The following RSU1 variants were observed in gnomAD, a reference collection of about 807,000 sequenced individuals.
RSU1 encodes the protein rsu-1.
In RSU1, 26 loss-of-function variants were observed where a neutral mutation model predicts 31.1. The ratio of observed to expected loss-of-function variants is 0.84; its 90% CI spans 0.61 to 1.16. The LOEUF (loss-of-function observed/expected upper bound fraction) is 1.16. Ranked by LOEUF, RSU1 falls within the 50% of genes most tolerant of loss-of-function variation. The pLI, the probability that RSU1 is intolerant of heterozygous loss-of-function variation, is 0.00. For missense variants in RSU1, 320 were observed against 339.1 expected (o/e 0.94, Z 0.44); for synonymous variants, 164 against 136.3 (o/e 1.20, Z -1.41).
intron 2 of RSU1, among the ~76,000 whole-genome samples, chr10:16,803,654 T>C (rs61844018): frequency 0.055 from 8,355 of 152,142 alleles, 274 homozygotes; most frequent in East Asian, 0.15. Context: ...TGGAATAAAA[T>C]AGAAAGCCCA....
chr10:16,628,489 C>T (rs899006901), intron 8 of RSU1, among the ~76,000 whole-genome samples: 1 of 144,478 alleles, frequency 6.9e-6, no homozygotes, highest in Non-Finnish European at 1.5e-5. Flanking sequence ...ATTTAACTTT[C>T]TGTGAAAGTG....
At chr10:16,675,239 C>CTGTT (rs756500430) in intron 8 of RSU1, among the ~76,000 whole-genome samples, 162 of 150,374 alleles carry the variant, frequency 1.1e-3, no homozygotes, top group Non-Finnish European at 1.7e-3. Flanking sequence ...AAGTGTAAAG[C>CTGTT]TGTTAGTGTT....
chr10:16,775,174 G>T (rs193153102), intron 3 of RSU1, among the ~76,000 whole-genome samples: 1 of 152,296 alleles, frequency 6.6e-6, no homozygotes, highest in East Asian at 1.9e-4. Flanking sequence ...AGTGATATAG[G>T]AGAGAGGGCA....
intron 8 of RSU1, among the ~76,000 whole-genome samples, chr10:16,661,349 A>G (rs1834887610): frequency 6.7e-6 from 1 of 149,828 alleles, no homozygotes; most frequent in African/African-American, 2.4e-5. Flanking sequence ...TGATGACTTC[A>G]TATCAGTTGA....
Position 16,695,174 on chromosome 10 carries a change from A to ATGTGGAGCTCTTT in RSU1, c.599-20_599-19insAAAGAGCTCCACA. 6.3e-7 allele frequency: 1 copy of ATGTGGAGCTCTTT among 1,585,632 alleles called. No homozygotes were observed. ...AAGTTTCCTGGGGGGGGGGAAAAAA[A>ATGTGGAGCTCTTT]AAGTGAAGGTCACTTCATCCAATAC... is the stretch of plus-strand genomic sequence containing the variant. On this transcript the variant is annotated intron_variant, in intron 7 of 8. Coordinates refer to ENST00000345264, the MANE Select transcript of RSU1 (RefSeq NM_012425.4).
chr10:16,595,723 C>T (rs77881696), intron 8 of RSU1, among the ~76,000 whole-genome samples: 40 of 152,222 alleles, frequency 2.6e-4, no homozygotes, highest in African/African-American at 9.1e-4. Context: ...AGAATCTGAA[C>T]TTCGGGAGGG....
At chr10:16,699,041 A>G (rs1284704791) in intron 7 of RSU1, among the ~76,000 whole-genome samples, 4 of 152,192 alleles carry the variant, frequency 2.6e-5, no homozygotes, top group Admixed American at 6.5e-5. Context: ...GAAAAGAAAA[A>G]AGCTTCTTGT....
At chr10:16,660,036 A>G (rs539201312) in intron 8 of RSU1, among the ~76,000 whole-genome samples, 2 of 152,200 alleles carry the variant, frequency 1.3e-5, no homozygotes, top group African/African-American at 4.8e-5. Flanking sequence ...AGTTCAGAAA[A>G]AACTATTCAA....
intron 8 of RSU1, among the ~76,000 whole-genome samples, chr10:16,606,617 A>G (rs1256663001): frequency 6.6e-6 from 1 of 152,158 alleles, no homozygotes. Flanking sequence ...TAGTGTGCAC[A>G]CAGGAAGCTT....
chr10:16,669,039 A>C (rs1326528119), intron 8 of RSU1, among the ~76,000 whole-genome samples: 1 of 152,144 alleles, frequency 6.6e-6, no homozygotes, highest in Non-Finnish European at 1.5e-5. Flanking sequence ...GTAGCGGTTC[A>C]AGCCTCACTA....
chr10:16,809,284 T>C (rs548165001), intron 2 of RSU1, among the ~76,000 whole-genome samples: 1 of 152,356 alleles, frequency 6.6e-6, no homozygotes, highest in East Asian at 1.9e-4. Flanking sequence ...GCAAGGCAGC[T>C]GTGAAACATG....
chr10:16,765,671 C>T (rs1300662317), intron 3 of RSU1, among the ~76,000 whole-genome samples: 1 of 152,212 alleles, frequency 6.6e-6, no homozygotes, highest in East Asian at 1.9e-4. Flanking sequence ...GGGTGATAAG[C>T]TTGGCCATGG....
chr10:16,816,862 A>G (rs1289347030), intron 2 of RSU1, 111 bp downstream of exon 2: 2 of 736,042 alleles, frequency 2.7e-6, no homozygotes, highest in Non-Finnish European at 4.7e-6. Context: ...GTTTACAAGC[A>G]GGGGCTGGGG....
At chr10:16,744,901 T>C (rs76270048) in intron 7 of RSU1, among the ~76,000 whole-genome samples, 2 of 152,202 alleles carry the variant, frequency 1.3e-5, no homozygotes, top group African/African-American at 4.8e-5. Flanking sequence ...CTCGCTTTTC[T>C]CTTCTGACCC....
In RSU1 at chr10:16,712,582, T is replaced by G. The variant is rs537663116; in HGVS notation, c.599-17427A>C. On this transcript the variant is annotated intron_variant, in intron 7 of 8. Transcript: ENST00000345264. The stretch of plus-strand genomic sequence containing the variant: ...CATCAACCTGATAGCAATTTAAATC[T>G]GGTTGCATGAAAATATTCTAGACTT... Among the ~76,000 whole-genome samples, 3 of 152,308 alleles carry G rather than the reference T, an allele frequency of 2.0e-5. 1 individual carries two copies. The South Asian group carries it at 6.2e-4, about 32-fold the overall frequency.
At chr10:16,756,962 T>G (rs1837100210) in intron 4 of RSU1, among the ~76,000 whole-genome samples, 2 of 147,460 alleles carry the variant, frequency 1.4e-5, no homozygotes, top group African/African-American at 2.5e-5. Context: ...TGGTGTGGGG[T>G]AGGTATGAGT....
At chr10:16,652,094 G>C (rs1292764859) in intron 8 of RSU1, among the ~76,000 whole-genome samples, 2 of 151,976 alleles carry the variant, frequency 1.3e-5, no homozygotes, top group Non-Finnish European at 2.9e-5. Context: ...ACATTTCAGA[G>C]ACAACACTAA....
At chr10:16,791,857 A>G (rs1837923536) in intron 2 of RSU1, among the ~76,000 whole-genome samples, 1 of 152,176 alleles carries the variant, frequency 6.6e-6, no homozygotes. Flanking sequence ...GGCCCAACTT[A>G]TCACAAAGAT....
chr10:16,631,254 G>A (rs57087462), intron 8 of RSU1, among the ~76,000 whole-genome samples: 6,868 of 152,266 alleles, frequency 0.045, 362 homozygotes, highest in African/African-American at 0.13. Context: ...ATCAATTGGG[G>A]GGACGGTTCC....
Sources: allele counts gnomAD v4.1 joint callset (sites outside exome capture counted in the v4.1 genomes callset), GRCh38; gene constraint gnomAD v4.1.1; transcripts MANE v1.5; gene names NCBI Gene and HGNC (gene_info 2026-07-23, HGNC 2026-07-21).